Variants in FANCI observed in about 807,000 individuals in gnomAD.
FANCI encodes the protein Fanconi anemia group I protein.
In FANCI, 156 loss-of-function variants were observed where a neutral mutation model predicts 176.1. The ratio of observed to expected loss-of-function variants is 0.89; its 90% CI spans 0.78 to 1.01. FANCI has a LOEUF of 1.01. FANCI is among the 50% of genes least tolerant of loss of function. The pLI, the probability that FANCI is intolerant of heterozygous loss-of-function variation, is 0.00. For missense variants in FANCI, 1,678 were observed against 1,534.1 expected, an observed-to-expected ratio of 1.09 and a Z score of -1.57; for synonymous variants, 613 against 541.7, an observed-to-expected ratio of 1.13 and a Z score of -1.83.
chr15:89,273,534 A>G, intron 11 of FANCI, 65 bp downstream of exon 11: 1 of 876,270 alleles, frequency 1.1e-6, no homozygotes, highest in South Asian at 1.5e-5. Context: ...AAAAAAAAAA[A>G]ATCACAGTAA....
In FANCI at chr15:89,277,630, A is replaced by AAAAAAG. The variant is rs1555445436; in HGVS notation, c.1293+741_1293+742insAAAGAA. On this transcript the variant is annotated intron_variant, in intron 13 of 37. Transcript: ENST00000310775. ...CTATCTCAAAAAAAAAAAAAAAAAA[A>AAAAAAG]AAGAATCATACTTATTGGTTCATTG... Among the ~76,000 whole-genome samples, 9 of 146,094 alleles carry AAAAAAG rather than the reference A, an allele frequency of 6.2e-5. No homozygotes were observed. In the East Asian group the frequency reaches 1.4e-3, roughly 23 times the overall value.
Position 89,299,818 on chromosome 15 carries a change from C to G in FANCI, c.2655C>G (p.Tyr885Ter). ...CDITRVLLWR[Y>*]TSIPTSVEES... Reference sequence around the variant, plus strand: ...GCTTCAGAGTCTTGCTATGGAGATACACTTCAATTCCTACTTCAGTGGAAG... The same window carrying G: ...GCTTCAGAGTCTTGCTATGGAGATAGACTTCAATTCCTACTTCAGTGGAAG... The change falls in exon 25 of 38, where the codon TAC becomes TAG. Residue 885 changes from tyrosine (Y) to a stop codon, truncating the protein, a stop_gained. Transcript: ENST00000310775. LOFTEE classifies it high-confidence loss of function. 1 of 1,613,694 alleles carries G rather than the reference C, an allele frequency of 6.2e-7. No individual in the cohort carries two copies. Among genetic ancestry groups the G allele is most frequent in the African/African-American group, 1.3e-5 (1 of 75,008 alleles).
chr15:89,280,835 A>G (rs912586978), intron 14 of FANCI, among the ~76,000 whole-genome samples: 9 of 152,326 alleles, frequency 5.9e-5, no homozygotes, highest in African/African-American at 2.2e-4. Flanking sequence ...ACGCTTGTGC[A>G]TAGTAAAAAT....
At chr15:89,264,673 CT>C (rs1225397399) in intron 9 of FANCI, 66 bp downstream of exon 9, 5 of 1,458,306 alleles carry the variant, frequency 3.4e-6, no homozygotes, top group Non-Finnish European at 3.8e-6. Flanking sequence ...TGTATTTTAG[CT>C]ATTTCATTTT....
intron 2 of FANCI, among the ~76,000 whole-genome samples, chr15:89,255,824 G>C (rs2052470032): frequency 6.6e-6 from 1 of 152,184 alleles, no homozygotes; most frequent in African/African-American, 2.4e-5. Flanking sequence ...TCAAAAGAAA[G>C]ACTGAAGATC....
At chr15:89,308,057 G>A (rs546429375) in intron 34 of FANCI, 46 of 1,142,218 alleles carry the variant, frequency 4.0e-5, no homozygotes, top group Admixed American at 8.7e-5. Flanking sequence ...GCAGTGCAGT[G>A]AGGGCACTTT....
rs1392387292 is a variant in FANCI, at chr15:89,263,434, T to C, written c.519T>C (p.Tyr173=). The C allele has an allele frequency of 1.2e-6, 2 of 1,613,082 alleles. No individual in the cohort carries two copies. The highest frequency in any genetic ancestry group is 1.7e-6 in the Non-Finnish European group (2 of 1,179,168). Residue 173 remains tyrosine, a synonymous_variant, in exon 7 of 38, where the codon TAT becomes TAC. Transcript: ENST00000310775. The part of the protein sequence containing the change: ...TLCSGRWDQQ[Y]VIQLTSMFKD... ...CTTCTACCAGGTGGGATCAGCAATA[T>C]GTAATCCAACTCACCTCCATGTTCA...
chr15:89,316,175 C>CAA, intron 37 of FANCI: 1 of 580,096 alleles, frequency 1.7e-6, no homozygotes, highest in Non-Finnish European at 3.1e-6. Context: ...CTCAGTATAG[C>CAA]AAAAGTCCTA....
intron 24 of FANCI, among the ~76,000 whole-genome samples, chr15:89,297,475 A>G (rs2054344536): frequency 6.6e-6 from 1 of 152,094 alleles, no homozygotes; most frequent in Admixed American, 6.5e-5. Flanking sequence ...GGCACCATTG[A>G]GCACTGAGTG....
intron 35 of FANCI, 25 bp downstream of exon 35, chr15:89,312,997 A>C: frequency 6.2e-7 from 1 of 1,611,066 alleles, no homozygotes; most frequent in Non-Finnish European, 8.5e-7. Flanking sequence ...CTGACCGTTA[A>C]AATATGCTTG....
chr15:89,297,180 G>T lies in FANCI; in HGVS notation c.2636+2086G>T, dbSNP rs528126535. Among the ~76,000 whole-genome samples the T allele has an allele frequency of 2.6e-3, 384 of 150,142 alleles. 9 individuals carry two copies. The highest frequency in any genetic ancestry group is 0.015 in the East Asian group (73 of 5,022). The stretch of plus-strand genomic sequence containing the variant: ...TCAGACGGGGCGGCCGGGCAGAGGT[G>T]CTCCTCACATCCCAGACGGGGCGGC... On this transcript the variant is annotated intron_variant, in intron 24 of 37. Coordinates refer to ENST00000310775, the MANE Select transcript of FANCI (RefSeq NM_001113378.2).
chr15:89,261,602 A>G lies in FANCI; in HGVS notation c.306A>G (p.Gly102=). 1.9e-6 allele frequency: 3 copies of G among 1,614,114 alleles called. No individual in the cohort carries two copies. The highest frequency in any genetic ancestry group is 2.5e-6 in the Non-Finnish European group (3 of 1,180,020). Reference sequence around the variant, plus strand: ...ACTTTTAGGCTCACCATTTTCCAGGACCATTATTGGTTGAATTAGCCAATG... The same window carrying G: ...ACTTTTAGGCTCACCATTTTCCAGGGCCATTATTGGTTGAATTAGCCAATG... ...LLMLEAHHFP[G]PLLVELANEF... Residue 102 remains glycine, a synonymous_variant, in exon 5 of 38, where the codon GGA becomes GGG. Coordinates refer to ENST00000310775, the MANE Select transcript of FANCI (RefSeq NM_001113378.2).
chr15:89,262,760 T>A (rs2052767957), intron 6 of FANCI, among the ~76,000 whole-genome samples: 1 of 152,270 alleles, frequency 6.6e-6, no homozygotes, highest in East Asian at 1.9e-4. Flanking sequence ...AATACAACTG[T>A]CCATGTCAGC....
intron 9 of FANCI, among the ~76,000 whole-genome samples, chr15:89,265,352 T>G (rs1330960040): frequency 6.6e-6 from 1 of 150,944 alleles, no homozygotes; most frequent in Non-Finnish European, 1.5e-5. Flanking sequence ...GTACTACAGG[T>G]GCGCACCACT....
chr15:89,261,490 A>C, intron 4 of FANCI, 95 bp from the exon 5 acceptor site: 2 of 1,479,020 alleles, frequency 1.4e-6, no homozygotes, highest in Non-Finnish European at 1.9e-6. Context: ...GATCTCGGTC[A>C]ATTCATTTAT....
chr15:89,308,159 T>C lies in FANCI; in HGVS notation c.3651+487T>C. 2.9e-6 allele frequency: 3 copies of C among 1,049,668 alleles called. No individual in the cohort carries two copies. In the South Asian group the frequency reaches 1.0e-4, roughly 36 times the overall value. The allele number at this position is 1,049,668 out of a possible 1,614,324, so 65.0% of individuals were successfully genotyped here. On this transcript the variant is annotated intron_variant, in intron 34 of 37. Coordinates refer to ENST00000310775, the MANE Select transcript of FANCI (RefSeq NM_001113378.2). ...TACTTGAATCTCCTTTACTGTTTGC[T>C]TAAACCAGTTTTTTAACCTCACCAC... is the stretch of plus-strand genomic sequence containing the variant.
chr15:89,281,965 C>A, intron 16 of FANCI, 130 bp downstream of exon 16: 1 of 863,050 alleles, frequency 1.2e-6, no homozygotes, highest in Non-Finnish European at 1.9e-6. Flanking sequence ...AGAGCAATTT[C>A]ATCAAATAAG....
At position 89,244,034 on chromosome 15, in the gene FANCI, G is replaced by A. The variant is rs2051830428; in HGVS notation, c.-20+1G>A. 1 of 152,778 alleles carries A rather than the reference G, an allele frequency of 6.5e-6. No homozygotes were observed. Among genetic ancestry groups the A allele is most frequent in the Non-Finnish European group, 1.5e-5 (1 of 68,504 alleles). 9.5% of individuals were successfully genotyped at this position (152,778 alleles called of 1,614,324 possible). A position where few individuals can be genotyped will look rare whatever the true frequency, so the allele number is the denominator to read the frequency against. On this transcript the variant is annotated splice_donor_variant, in intron 1 of 37. Coordinates refer to ENST00000310775, the MANE Select transcript of FANCI (RefSeq NM_001113378.2). LOFTEE classifies it low-confidence loss of function (5UTR_SPLICE). ...GGCTTTTTGGAAGTTTGTGGCGGAGGTGAGGCCGAGGTGACTGCAGAGCGG... is the reference window on the plus strand; with the variant it reads ...GGCTTTTTGGAAGTTTGTGGCGGAGATGAGGCCGAGGTGACTGCAGAGCGG...
chr15:89,251,044 T>TG (rs2052225575), intron 2 of FANCI, among the ~76,000 whole-genome samples: 1 of 151,814 alleles, frequency 6.6e-6, no homozygotes. Flanking sequence ...TGGTTCTTTG[T>TG]GGGGGAAAAA....
Sources: allele counts gnomAD v4.1 joint callset (sites outside exome capture counted in the v4.1 genomes callset), GRCh38; gene constraint gnomAD v4.1.1; transcripts MANE v1.5; gene names NCBI Gene and HGNC (gene_info 2026-07-23, HGNC 2026-07-21).